PAXBP1: variants seen among roughly 807,000 people sequenced by gnomAD.
PAXBP1 encodes PAX3 and PAX7 binding protein 1.
Under a neutral mutation model 119.9 loss-of-function variants are expected in PAXBP1, and 44 were observed. The observed-to-expected ratio is 0.37, with a 90% CI of 0.29 to 0.47. The LOEUF (loss-of-function observed/expected upper bound fraction) is 0.47. Among genes scored for constraint, PAXBP1 ranks in the 20% least tolerant of loss-of-function variants. PAXBP1 has a pLI of 0.99. For missense variants in PAXBP1, 898 were observed against 1,134.1 expected (o/e 0.79, Z 2.99); for synonymous variants, 393 against 406.6 (o/e 0.97, Z 0.40).
intron 7 of PAXBP1, 43 bp downstream of exon 7, chr21:32,759,037 A>G: frequency 6.3e-7 from 1 of 1,589,644 alleles, no homozygotes; most frequent in South Asian, 1.1e-5. Flanking sequence ...AGACCTCCCT[A>G]ATTTTGCCTT....
At chr21:32,737,459 A>C (rs2043709332) in intron 16 of PAXBP1, 51 bp from the exon 17 acceptor site, 1 of 1,493,258 alleles carries the variant, frequency 6.7e-7, no homozygotes, top group Admixed American at 2.2e-5. Context: ...AATAAATTAA[A>C]GTATTAAAAG....
chr21:32,743,684 G>T lies in PAXBP1; in HGVS notation c.2261C>A (p.Pro754His). Residue 754 changes from proline to histidine, a missense_variant, in exon 14 of 18, where the codon CCC (proline) becomes CAC (histidine). Pro to His is a moderately conservative substitution (Grantham distance 77). This residue lies in a region of PAXBP1 where 599 missense variants were observed against 852.7 expected (regional missense o/e 0.70). Transcript: ENST00000331923. The part of the protein sequence containing the change: ...LDDDVFMPLY[P>H]KNVLENKNSG... ...GTTCTTCAGAGTTACTTACTTTTTG[G>T]GATATAAGGGCATAAATACATCATC... 1 of 1,577,750 alleles carries T rather than the reference G, an allele frequency of 6.3e-7. No homozygotes were observed. Among genetic ancestry groups the T allele is most frequent in the South Asian group, 1.1e-5 (1 of 89,162 alleles).
At chr21:32,763,677 G>A (rs1413423443) in intron 3 of PAXBP1, among the ~76,000 whole-genome samples, 2 of 152,164 alleles carry the variant, frequency 1.3e-5, no homozygotes, top group Non-Finnish European at 2.9e-5. Flanking sequence ...GTAAAAAGGA[G>A]TGTGGACATA....
chr21:32,770,622 G>A (rs2044322868), intron 1 of PAXBP1, among the ~76,000 whole-genome samples: 1 of 152,214 alleles, frequency 6.6e-6, no homozygotes, highest in Non-Finnish European at 1.5e-5. Context: ...ATGGTCAGAA[G>A]AAAAGATTTA....
chr21:32,743,589 G>T, intron 14 of PAXBP1, 89 bp downstream of exon 14: 1 of 985,796 alleles, frequency 1.0e-6, no homozygotes, highest in Non-Finnish European at 1.6e-6. Flanking sequence ...GGTGAAGTTT[G>T]TATTTCAAGC....
chr21:32,737,772 AAAT>A (rs1403087192), intron 16 of PAXBP1, among the ~76,000 whole-genome samples: 2 of 152,214 alleles, frequency 1.3e-5, no homozygotes, highest in African/African-American at 4.8e-5. Flanking sequence ...AGTGGTATAA[AAAT>A]GAAATTACAG....
At chr21:32,767,124 G>A (rs2044254959) in intron 2 of PAXBP1, among the ~76,000 whole-genome samples, 1 of 152,032 alleles carries the variant, frequency 6.6e-6, no homozygotes, top group Admixed American at 6.6e-5. Context: ...TACATCTCTA[G>A]GTATTCACTG....
intron 1 of PAXBP1, 116 bp downstream of exon 1, chr21:32,771,210 G>A: frequency 2.0e-6 from 2 of 990,170 alleles, no homozygotes; most frequent in South Asian, 1.9e-5. Flanking sequence ...CGGTCGGACG[G>A]CAGGGGACTC....
Position 32,750,880 on chromosome 21 carries a change from A to C in PAXBP1, c.1723+37T>G, listed in dbSNP as rs761277723. The C allele has an allele frequency of 9.4e-6, 14 of 1,482,186 alleles. No homozygotes were observed. The African/African-American group carries it at 2.0e-4, about 21-fold the overall frequency. The allele number at this position is 1,482,186 out of a possible 1,614,324, so 91.8% of individuals were successfully genotyped here. ...AAAACCATACCCAAGTAGAAACTAA[A>C]CTGATGATGAGTCTTATTTCCAAAT... On this transcript the variant is annotated intron_variant, in intron 10 of 17. Coordinates refer to ENST00000331923, the MANE Select transcript of PAXBP1 (RefSeq NM_016631.4).
intron 1 of PAXBP1, among the ~76,000 whole-genome samples, chr21:32,770,225 G>T (rs1040549537): frequency 6.6e-5 from 10 of 151,946 alleles, no homozygotes; most frequent in Non-Finnish European, 1.2e-4. Context: ...ATTTGAGAGG[G>T]GAAAAAATCA....
chr21:32,764,563 T>G (rs1273725776), intron 2 of PAXBP1, 39 bp from the exon 3 acceptor site: 1 of 1,450,150 alleles, frequency 6.9e-7, no homozygotes, highest in Admixed American at 2.4e-5. Context: ...TAAAATAAAA[T>G]TCATAAATTA....
At chr21:32,737,988 T>G (rs943318250) in intron 16 of PAXBP1, among the ~76,000 whole-genome samples, 185 bp downstream of exon 16, 23 of 152,174 alleles carry the variant, frequency 1.5e-4, no homozygotes, top group Non-Finnish European at 2.8e-4. Flanking sequence ...TATAACAGTA[T>G]GCATTTTTAT....
chr21:32,740,935 T>G (rs547069988), intron 15 of PAXBP1, among the ~76,000 whole-genome samples: 1 of 152,308 alleles, frequency 6.6e-6, no homozygotes, highest in Non-Finnish European at 1.5e-5. Flanking sequence ...TGAAGACATT[T>G]CACCAAAATA....
In PAXBP1 at chr21:32,762,271, G is replaced by C; in HGVS notation, c.696C>G (p.Arg232=). 2 of 1,614,060 alleles carry C rather than the reference G, an allele frequency of 1.2e-6. No homozygotes were observed. The highest frequency in any genetic ancestry group is 1.7e-6 in the Non-Finnish European group (2 of 1,180,028). ...AAFIHAARKK[R]QMARELGDFT... The stretch of plus-strand genomic sequence containing the variant: ...AATCTCCCAATTCTCGGGCCATTTG[G>C]CGCTTTTTCCTTGCAGCATGTATAA... The change falls in exon 4 of 18, where the codon CGC becomes CGG. Residue 232 remains arginine (R), a synonymous_variant. Transcript: ENST00000331923.
At chr21:32,761,032 A>T (rs1270733312) in intron 5 of PAXBP1, 27 bp downstream of exon 5, 1 of 1,559,100 alleles carries the variant, frequency 6.4e-7, no homozygotes, top group South Asian at 1.2e-5. Flanking sequence ...TCTACTTTTA[A>T]TTTTTAGTTT....
At chr21:32,758,460 T>G (rs947061508) in intron 7 of PAXBP1, among the ~76,000 whole-genome samples, 1 of 151,832 alleles carries the variant, frequency 6.6e-6, no homozygotes, top group African/African-American at 2.4e-5. Flanking sequence ...ATTTTAAATG[T>G]AAACAATAAA....
At chr21:32,757,689 C>A (rs1031813517) in intron 7 of PAXBP1, among the ~76,000 whole-genome samples, 1 of 152,146 alleles carries the variant, frequency 6.6e-6, no homozygotes. Context: ...CCGAAGCAAG[C>A]GCCAAGACAC....
intron 10 of PAXBP1, among the ~76,000 whole-genome samples, chr21:32,750,107 T>C (rs564659283): frequency 1.3e-5 from 2 of 152,246 alleles, no homozygotes; most frequent in African/African-American, 4.8e-5. Flanking sequence ...AGAATAGGCA[T>C]CTAACAAAAA....
intron 11 of PAXBP1, among the ~76,000 whole-genome samples, chr21:32,747,790 C>CTT (rs907840713): frequency 6.9e-6 from 1 of 144,900 alleles, no homozygotes. Flanking sequence ...ACCTCCTTAT[C>CTT]TTTTTTTTTT....
Sources: allele counts gnomAD v4.1 joint callset (sites outside exome capture counted in the v4.1 genomes callset), GRCh38; gene constraint gnomAD v4.1.1; regional missense constraint gnomAD v4.1.1; transcripts MANE v1.5; gene names NCBI Gene and HGNC (gene_info 2026-07-23, HGNC 2026-07-21).